Variants in RBMS3 observed in about 807,000 individuals in gnomAD.
RBMS3 encodes the protein RNA-binding motif, single-stranded-interacting protein 3.
In RBMS3, 27 loss-of-function variants were observed where a neutral mutation model predicts 66.8. The observed-to-expected ratio is 0.40, with a 90% CI of 0.30 to 0.56. The LOEUF is 0.56. Among genes scored for constraint, RBMS3 ranks in the 20% least tolerant of loss-of-function variants. The probability of loss-of-function intolerance (pLI) is 0.40; values close to 1 mark genes in which losing one functional copy is unlikely to be tolerated. For missense variants in RBMS3, 513 were observed against 549.5 expected (o/e 0.93, Z 0.66); for synonymous variants, 188 against 183.0 (o/e 1.03, Z -0.22).
chr3:29,430,964 C>T (rs2041161728), intron 1 of RBMS3, among the ~76,000 whole-genome samples: 3 of 152,164 alleles, frequency 2.0e-5, no homozygotes, highest in South Asian at 2.1e-4. Context: ...CAGGAAGCCA[C>T]CTCGGCAAGC....
chr3:29,512,314 C>G (rs1160019900), intron 3 of RBMS3, among the ~76,000 whole-genome samples: 2 of 151,964 alleles, frequency 1.3e-5, no homozygotes, highest in Non-Finnish European at 2.9e-5. Context: ...GTTTTAAAAA[C>G]AGTAATTTAT....
At chr3:29,698,572 T>G in intron 4 of RBMS3, 2 of 985,334 alleles carry the variant, frequency 2.0e-6, no homozygotes, top group Non-Finnish European at 2.4e-6. Flanking sequence ...CATAACAAAA[T>G]GAGCATGAAG....
At chr3:29,368,982 T>C (rs1187636917) in intron 1 of RBMS3, among the ~76,000 whole-genome samples, 1 of 151,920 alleles carries the variant, frequency 6.6e-6, no homozygotes, top group African/African-American at 2.4e-5. Flanking sequence ...TGTGCAGGCA[T>C]AAAAAAAGAA....
At chr3:29,509,079 T>C (rs1028059480) in intron 3 of RBMS3, among the ~76,000 whole-genome samples, 29 of 152,038 alleles carry the variant, frequency 1.9e-4, no homozygotes, top group Admixed American at 6.5e-5. Context: ...TTAAGTTCTT[T>C]GTAGATTCTA....
chr3:29,461,541 C>T (rs932653547), intron 2 of RBMS3, among the ~76,000 whole-genome samples: 2 of 152,188 alleles, frequency 1.3e-5, no homozygotes, highest in Admixed American at 1.3e-4. Flanking sequence ...ATTGAAATGG[C>T]CTGCATCTTG....
At chr3:29,365,242 A>G (rs546184037) in intron 1 of RBMS3, among the ~76,000 whole-genome samples, 1 of 152,084 alleles carries the variant, frequency 6.6e-6, no homozygotes, top group Non-Finnish European at 1.5e-5. Flanking sequence ...ATTTGTGGGA[A>G]AGCCTTCAGA....
chr3:29,899,644 A>T (rs2149607297), intron 9 of RBMS3, 61 bp from the exon 10 acceptor site: 6 of 1,506,210 alleles, frequency 4.0e-6, no homozygotes, highest in South Asian at 3.5e-5. Context: ...ACTCCACTGA[A>T]CACAAGAACC....
At chr3:29,387,923 A>T in intron 1 of RBMS3, among the ~76,000 whole-genome samples, 1 of 152,116 alleles carries the variant, frequency 6.6e-6, no homozygotes, top group East Asian at 1.9e-4. Context: ...CTGCATTCTA[A>T]CAGTGCTGGC....
chr3:29,704,249 T>C (rs930040368), intron 4 of RBMS3, among the ~76,000 whole-genome samples: 5 of 152,202 alleles, frequency 3.3e-5, no homozygotes, highest in African/African-American at 1.2e-4. Flanking sequence ...TCCACAAAAC[T>C]GGTCCCTGGT....
rs1177530052 is a variant in RBMS3, at chr3:29,308,767, A to G, written c.75+27011A>G. 2.4e-5 allele frequency among the ~76,000 whole-genome samples: 3 copies of G among 127,206 alleles called. No individual in the cohort carries two copies. In the East Asian group the frequency reaches 6.9e-4, roughly 29 times the overall value. The allele number at this position is 127,206 out of a possible 152,430, so 83.5% of individuals were successfully genotyped here. A position where few individuals can be genotyped will look rare whatever the true frequency, so the allele number is the denominator to read the frequency against. On this transcript the variant is annotated intron_variant, in intron 1 of 14. Transcript: ENST00000383767. ...AAAACAAAAAAAAACAAAAAAAAAA[A>G]CGGGAAAGTAAAACTGGGAAAGAAA...
chr3:29,507,109 C>G (rs944702962), intron 3 of RBMS3, among the ~76,000 whole-genome samples: 18 of 147,780 alleles, frequency 1.2e-4, no homozygotes, highest in African/African-American at 4.4e-4. Context: ...TTTTATTCTG[C>G]TAACTTTGGC....
At chr3:29,900,546 G>A (rs1394446059) in intron 10 of RBMS3, among the ~76,000 whole-genome samples, 1 of 151,680 alleles carries the variant, frequency 6.6e-6, no homozygotes. Flanking sequence ...CTATAGAAGT[G>A]CGAGATAGAG....
chr3:29,320,413 A>C (rs2034937033), intron 1 of RBMS3, among the ~76,000 whole-genome samples: 1 of 152,062 alleles, frequency 6.6e-6, no homozygotes. Context: ...TGACTGAGTA[A>C]AAAAATAAAT....
intron 8 of RBMS3, among the ~76,000 whole-genome samples, chr3:29,884,472 C>CTCTCTCTCTT (rs1258281965): frequency 4.0e-5 from 3 of 75,682 alleles, no homozygotes; most frequent in Non-Finnish European, 1.0e-4. Flanking sequence ...CTCTCTCTCC[C>CTCTCTCTCTT]CCCCCGCTCC....
chr3:29,602,141 A>G (rs1336342699), intron 4 of RBMS3, among the ~76,000 whole-genome samples: 1 of 152,036 alleles, frequency 6.6e-6, no homozygotes, highest in Non-Finnish European at 1.5e-5. Flanking sequence ...GAGTTTTGCC[A>G]GCATAATTGC....
intron 6 of RBMS3, among the ~76,000 whole-genome samples, chr3:29,849,089 G>T (rs78514849): frequency 0.025 from 3,824 of 151,372 alleles, 161 homozygotes; most frequent in African/African-American, 0.089. Flanking sequence ...ATACACTCAG[G>T]TCTATTCCAT....
intron 6 of RBMS3, among the ~76,000 whole-genome samples, chr3:29,862,730 G>T (rs1440142989): frequency 6.6e-6 from 1 of 151,944 alleles, no homozygotes; most frequent in Non-Finnish European, 1.5e-5. Flanking sequence ...TATAGTCCCA[G>T]ATACTCAGGA....
At chr3:29,730,060 C>G (rs1223043141) in intron 4 of RBMS3, among the ~76,000 whole-genome samples, 4 of 151,068 alleles carry the variant, frequency 2.6e-5, no homozygotes, top group Admixed American at 6.6e-5. Context: ...TATATCTTAC[C>G]TAACAACAAA....
intron 2 of RBMS3, among the ~76,000 whole-genome samples, chr3:29,482,777 G>A (rs1277267657): frequency 1.5e-5 from 2 of 129,494 alleles, no homozygotes; most frequent in East Asian, 2.4e-4. Flanking sequence ...GCACGATCTC[G>A]GCTCACTGCA....
Sources: allele counts gnomAD v4.1 joint callset (sites outside exome capture counted in the v4.1 genomes callset), GRCh38; gene constraint gnomAD v4.1.1; transcripts MANE v1.5; gene names NCBI Gene and HGNC (gene_info 2026-07-23, HGNC 2026-07-21).